Variants in HDAC9 observed in about 807,000 individuals in gnomAD.
HDAC9 encodes MEF-2 interacting transcription repressor (MITR) protein.
HDAC9 carries 41 observed loss-of-function variants against 139.4 expected under a neutral mutation model. The observed-to-expected ratio is 0.29, with a 90% CI of 0.23 to 0.38. HDAC9 has a LOEUF of 0.38. HDAC9 is among the 10% of genes least tolerant of loss of function. The pLI is 1.00. For synonymous variants in HDAC9, 517 were observed against 476.2 expected, an observed-to-expected ratio of 1.09 and a Z score of -1.12; for missense variants, 1,147 against 1,297.0, an observed-to-expected ratio of 0.88 and a Z score of 1.78.
intron 1 of HDAC9, among the ~76,000 whole-genome samples, chr7:18,470,447 A>G (rs1026203432): frequency 1.3e-5 from 2 of 152,024 alleles, no homozygotes; most frequent in Admixed American, 6.6e-5. Flanking sequence ...TTTCTTTTTG[A>G]TGGTATTAAA....
chr7:18,631,293 T>C (rs1452026003), intron 7 of HDAC9, among the ~76,000 whole-genome samples: 2 of 152,114 alleles, frequency 1.3e-5, no homozygotes, highest in African/African-American at 2.4e-5. Flanking sequence ...GAGAGACTTG[T>C]ACATTTATTA....
intron 22 of HDAC9, among the ~76,000 whole-genome samples, chr7:18,917,204 C>G (rs1456625760): frequency 6.6e-6 from 1 of 151,978 alleles, no homozygotes; most frequent in African/African-American, 2.4e-5. Context: ...GCACTGATCT[C>G]TCCGCTCAGA....
At chr7:18,097,026 A>G (rs935447447) in intron 1 of HDAC9, among the ~76,000 whole-genome samples, 5 of 152,068 alleles carry the variant, frequency 3.3e-5, no homozygotes, top group African/African-American at 7.2e-5. Context: ...GAAATATTCT[A>G]TGTCTATGCT....
intron 25 of HDAC9, among the ~76,000 whole-genome samples, chr7:18,993,418 A>T (rs1786164322): frequency 6.6e-6 from 1 of 152,244 alleles, no homozygotes; most frequent in African/African-American, 2.4e-5. Flanking sequence ...AAAGTAAAAC[A>T]GCTGGGACTT....
chr7:18,807,822 A>G (rs561378491), intron 17 of HDAC9, among the ~76,000 whole-genome samples: 10 of 152,222 alleles, frequency 6.6e-5, no homozygotes, highest in African/African-American at 2.4e-4. Context: ...AAATCTGTTA[A>G]GACTTGTTTT....
intron 2 of HDAC9, among the ~76,000 whole-genome samples, chr7:18,235,728 G>A (rs776010957): frequency 6.6e-6 from 1 of 152,124 alleles, no homozygotes; most frequent in Non-Finnish European, 1.5e-5. Flanking sequence ...GAAGATATTA[G>A]CCTTATTTTG....
intron 2 of HDAC9, among the ~76,000 whole-genome samples, chr7:18,283,890 A>G (rs897339499): frequency 1.3e-5 from 2 of 152,222 alleles, no homozygotes; most frequent in Admixed American, 1.3e-4. Flanking sequence ...TAAACAAATC[A>G]GAACAACAAA....
intron 1 of HDAC9, among the ~76,000 whole-genome samples, chr7:18,410,239 C>T (rs1236898442): frequency 1.3e-5 from 2 of 152,010 alleles, no homozygotes; most frequent in African/African-American, 4.8e-5. Context: ...GATGGAGCAG[C>T]AAGGGAGGTG....
chr7:18,318,431 G>A (rs933798675), intron 1 of HDAC9, among the ~76,000 whole-genome samples: 2 of 152,128 alleles, frequency 1.3e-5, no homozygotes, highest in African/African-American at 2.4e-5. Flanking sequence ...TTGTTTCAAC[G>A]ATAACTACAG....
rs919229671 is a variant in HDAC9 at position 18,784,514 on chromosome 7, C to CA, written c.2215-8821dup. Among the ~76,000 whole-genome samples the CA allele has an allele frequency of 2.6e-3, 377 of 146,300 alleles. 2 individuals carry two copies. Among genetic ancestry groups the CA allele is most frequent in the African/African-American group, 7.1e-3 (282 of 39,750 alleles). ...AGAGGACAAAACAAAAAACAAAAAA[C>CA]AAAAAAAAAACTGAAGGCCACCAGG... On this transcript the variant is annotated intron_variant, in intron 16 of 25. Coordinates refer to ENST00000686413, the MANE Select transcript of HDAC9 (RefSeq NM_178425.4).
intron 18 of HDAC9, 42 bp downstream of exon 18, chr7:18,829,258 T>G: frequency 2.0e-6 from 3 of 1,492,536 alleles, no homozygotes; most frequent in African/African-American, 1.4e-5. Context: ...GCACCACGGT[T>G]CCTGGCGGTC....
intron 22 of HDAC9, among the ~76,000 whole-genome samples, chr7:18,909,877 G>A (rs1034079117): frequency 2.0e-5 from 3 of 151,854 alleles, no homozygotes; most frequent in Non-Finnish European, 4.4e-5. Context: ...TATATTTTGA[G>A]GTCAGGTAGT....
intron 1 of HDAC9, among the ~76,000 whole-genome samples, chr7:18,444,063 G>T (rs113886474): frequency 6.6e-6 from 1 of 151,926 alleles, no homozygotes; most frequent in East Asian, 1.9e-4. Context: ...TTGCAACTGG[G>T]CATGGTGGCT....
At chr7:18,285,709 T>G (rs1232615385), upstream of HDAC9, among the ~76,000 whole-genome samples, 1 of 152,132 alleles carries the variant, frequency 6.6e-6, no homozygotes. Flanking sequence ...TTATGTCTTA[T>G]GTTTACTAGA....
intron 1 of HDAC9, among the ~76,000 whole-genome samples, chr7:18,356,501 C>T (rs1562911494): frequency 6.6e-6 from 1 of 151,102 alleles, no homozygotes; most frequent in Non-Finnish European, 1.5e-5. Flanking sequence ...TATAGTGACT[C>T]CTGCGAATGA....
In HDAC9 at chr7:18,593,951, A is replaced by C. The variant is rs1167757854; in HGVS notation, c.586A>C (p.Ser196Arg). ...TSLDQSSPPL[S>R]GTSPSYKYTL... ...ATTGGATCAAAGCTCTCCACCCCTT[A>C]GTGGAACATCTCCATCCTACAAGTA... is the stretch of plus-strand genomic sequence containing the variant. Residue 196 changes from serine to arginine, a missense_variant, in exon 6 of 26, where the codon AGT becomes CGT. Physicochemically the swap from Ser to Arg is moderately radical, Grantham distance 110. Coordinates refer to ENST00000686413, the MANE Select transcript of HDAC9 (RefSeq NM_178425.4). 1.9e-6 allele frequency: 3 copies of C among 1,612,460 alleles called. No homozygotes were observed. Among genetic ancestry groups the C allele is most frequent in the Non-Finnish European group, 1.7e-6 (2 of 1,178,822 alleles).
At chr7:18,608,892 C>T (rs1387896350) in intron 6 of HDAC9, among the ~76,000 whole-genome samples, 5 of 152,098 alleles carry the variant, frequency 3.3e-5, no homozygotes, top group Admixed American at 1.3e-4. Context: ...GTTGAACCAC[C>T]GTACTTCTTG....
In HDAC9 at chr7:18,525,619, G is replaced by T. The variant is rs79235968; in HGVS notation, c.22+29295G>T. On this transcript the variant is annotated intron_variant, in intron 2 of 25. Coordinates refer to ENST00000686413, the MANE Select transcript of HDAC9 (RefSeq NM_178425.4). ...AAAAGCTACTGTTTATATAGTCCTA[G>T]TTCCCAGTTTTTCATATATACTGTA... Among the ~76,000 whole-genome samples, 1,480 of 152,010 alleles carry T rather than the reference G, an allele frequency of 9.7e-3. 22 individuals are homozygous for T. Among genetic ancestry groups the T allele is most frequent in the African/African-American group, 0.034 (1,420 of 41,474 alleles).
At chr7:18,734,204 A>G (rs919946187) in intron 13 of HDAC9, among the ~76,000 whole-genome samples, 9 of 152,092 alleles carry the variant, frequency 5.9e-5, no homozygotes, top group Non-Finnish European at 1.0e-4. Context: ...TTTCATCATT[A>G]TTATATATTA....
Sources: allele counts gnomAD v4.1 joint callset (sites outside exome capture counted in the v4.1 genomes callset), GRCh38; gene constraint gnomAD v4.1.1; transcripts MANE v1.5; gene names NCBI Gene and HGNC (gene_info 2026-07-23, HGNC 2026-07-21).